The following NAA35 variants were observed in gnomAD, a reference collection of about 807,000 sequenced individuals.
The protein encoded by NAA35 is N-alpha-acetyltransferase 35, NatC auxiliary subunit, also known as MAK10 homolog, amino-acid N-acetyltransferase subunit.
Under a neutral mutation model 101.7 loss-of-function variants are expected in NAA35, and 18 were observed. The ratio of observed to expected loss-of-function variants is 0.18; its 90% CI spans 0.12 to 0.26. The LOEUF is 0.26. Ranked by LOEUF, NAA35 falls within the 10% of genes least tolerant of loss-of-function variation. NAA35 has a pLI of 1.00. For synonymous variants in NAA35, 267 were observed against 273.1 expected, an observed-to-expected ratio of 0.98 and a Z score of 0.22; for missense variants, 601 against 886.8, an observed-to-expected ratio of 0.68 and a Z score of 4.09.
rs760211608 is a variant in NAA35, at chr9:86,013,144, G to A, written c.1389G>A (p.Glu463=). The A allele has an allele frequency of 6.3e-7, 1 of 1,579,786 alleles. No individual in the cohort carries two copies. Among genetic ancestry groups the A allele is most frequent in the Admixed American group, 1.7e-5 (1 of 59,124 alleles). Reference sequence around the variant, plus strand: ...AGGAATTTGCCACCTTGCAGGATGAGGTAAGAGCCAGGTTCCCCTCTCTTC... The same window carrying A: ...AGGAATTTGCCACCTTGCAGGATGAAGTAAGAGCCAGGTTCCCCTCTCTTC... ...ILEEFATLQD[E]AEKVDAALHT... The change falls in exon 16 of 23, where the codon GAG becomes GAA. Residue 463 remains glutamate (E), a splice_region_variant and synonymous_variant. Coordinates refer to ENST00000361671, the MANE Select transcript of NAA35 (RefSeq NM_024635.4).
At chr9:85,978,800 C>T (rs139308784) in intron 11 of NAA35, among the ~76,000 whole-genome samples, 32 of 151,976 alleles carry the variant, frequency 2.1e-4, no homozygotes, top group African/African-American at 7.5e-4. Context: ...AATAGTTTGG[C>T]GGGCAGTGGG....
rs1378417326 is a variant in NAA35 at position 86,017,579 on chromosome 9, AGT to A, written c.1773+16_1773+17del. 1.2e-6 allele frequency: 2 copies of A among 1,610,604 alleles called. No homozygotes were observed. Among genetic ancestry groups the A allele is most frequent in the Non-Finnish European group, 1.7e-6 (2 of 1,177,682 alleles). Reference sequence around the variant, plus strand: ...GGAATGTTTAAAGTAAGTTGTTGAAAGTGAAGTTCTTTTTGCCTTTTAGCTAT... The same window carrying A: ...GGAATGTTTAAAGTAAGTTGTTGAAAGAAGTTCTTTTTGCCTTTTAGCTAT... On this transcript the variant is annotated intron_variant, in intron 19 of 22. Coordinates refer to ENST00000361671, the MANE Select transcript of NAA35 (RefSeq NM_024635.4).
chr9:85,945,892 G>A (rs1828741290), intron 2 of NAA35, among the ~76,000 whole-genome samples: 1 of 152,042 alleles, frequency 6.6e-6, no homozygotes, highest in Non-Finnish European at 1.5e-5. Flanking sequence ...ATGCACATTT[G>A]TACTAAAAGT....
chr9:85,988,946 A>G (rs1830776250), intron 11 of NAA35, among the ~76,000 whole-genome samples: 2 of 152,230 alleles, frequency 1.3e-5, no homozygotes, highest in Admixed American at 6.5e-5. Context: ...TGTGAACAGT[A>G]TAATGGAACA....
intron 11 of NAA35, among the ~76,000 whole-genome samples, chr9:85,981,437 T>C (rs917177956): frequency 6.6e-6 from 1 of 152,346 alleles, no homozygotes; most frequent in Middle Eastern, 3.4e-3. Flanking sequence ...TTTTGCCATG[T>C]CTGACTACTC....
At chr9:86,009,674 A>T (rs1393358617) in intron 14 of NAA35, among the ~76,000 whole-genome samples, 191 bp from the exon 15 acceptor site, 1 of 152,198 alleles carries the variant, frequency 6.6e-6, no homozygotes, top group East Asian at 1.9e-4. Flanking sequence ...TGGAAATATC[A>T]CAGATTTATT....
intron 5 of NAA35, among the ~76,000 whole-genome samples, chr9:85,961,614 GGT>G (rs951690131): frequency 4.1e-4 from 62 of 152,270 alleles, no homozygotes; most frequent in African/African-American, 1.5e-3. Context: ...AAATAATCTA[GGT>G]GAGATACGGT....
At chr9:85,991,991 G>A (rs1480969235) in intron 11 of NAA35, among the ~76,000 whole-genome samples, 2 of 151,972 alleles carry the variant, frequency 1.3e-5, no homozygotes, top group Admixed American at 6.6e-5. Context: ...TGGCTAACGC[G>A]GTGAAACCCC....
rs540578865 is a variant in NAA35, at chr9:86,011,958, TATATA to T, written c.1291-1085_1291-1081del. On this transcript the variant is annotated intron_variant, in intron 15 of 22. Transcript: ENST00000361671. ...CTATAATATATAATATAGTATATAATATATAATGTATATAATATATAATATATATT... is the reference window on the plus strand; with the variant it reads ...CTATAATATATAATATAGTATATAATATGTATATAATATATAATATATATT... Among the ~76,000 whole-genome samples the T allele has an allele frequency of 4.0e-3, 561 of 140,324 alleles. 5 individuals are homozygous for T. Among genetic ancestry groups the T allele is most frequent in the African/African-American group, 0.014 (530 of 37,492 alleles). The allele number at this position is 140,324 out of a possible 152,430, so 92.1% of individuals were successfully genotyped here.
chr9:86,009,857 T>C lies in NAA35; in HGVS notation c.1224-8T>C, dbSNP rs767922259. On this transcript the variant is annotated splice_polypyrimidine_tract_variant and splice_region_variant and intron_variant, in intron 14 of 22. Transcript: ENST00000361671. ...ATAGATTTTAATGATGTGACTGTTATCTTGCAGGTGCTACCTATATAATAA... is the reference window on the plus strand; with the variant it reads ...ATAGATTTTAATGATGTGACTGTTACCTTGCAGGTGCTACCTATATAATAA... 2.6e-5 allele frequency: 42 copies of C among 1,607,174 alleles called. No individual in the cohort carries two copies. The highest frequency in any genetic ancestry group is 1.5e-4 in the South Asian group (14 of 90,520).
At position 86,022,392 on chromosome 9, in the gene NAA35, T is replaced by G. The variant is rs1832605437; in HGVS notation, c.*432T>G. 6.5e-6 allele frequency: 1 copy of G among 152,990 alleles called. No individual in the cohort carries two copies. Among genetic ancestry groups the G allele is most frequent in the South Asian group, 2.1e-4 (1 of 4,832 alleles). The allele number at this position is 152,990 out of a possible 1,614,324, so 9.5% of individuals were successfully genotyped here. A position where few individuals can be genotyped will look rare whatever the true frequency, so the allele number is the denominator to read the frequency against. On this transcript the variant is annotated 3_prime_UTR_variant, in exon 23 of 23. Coordinates refer to ENST00000361671, the MANE Select transcript of NAA35 (RefSeq NM_024635.4). ...TAACATTTGAGTAGTTCCAAAAACG[T>G]TATCCAAAAGAAGTTTCAAATCAAG...
intron 13 of NAA35, among the ~76,000 whole-genome samples, chr9:86,004,742 G>C (rs1304830951): frequency 1.6e-4 from 24 of 152,132 alleles, no homozygotes; most frequent in Admixed American, 1.6e-3. Flanking sequence ...TACAGACTCT[G>C]TAAACATTAA....
chr9:85,963,937 A>C (rs1357429715), intron 6 of NAA35, among the ~76,000 whole-genome samples: 1 of 152,212 alleles, frequency 6.6e-6, no homozygotes, highest in East Asian at 1.9e-4. Context: ...AGAAAATAAA[A>C]TGGCCTTTAA....
intron 11 of NAA35, among the ~76,000 whole-genome samples, chr9:85,982,489 A>G (rs1175968003): frequency 6.6e-6 from 1 of 152,132 alleles, no homozygotes; most frequent in Admixed American, 6.6e-5. Flanking sequence ...TCCTGGTTCT[A>G]TTTGTCAAAA....
rs1832679260 is a variant in NAA35, at chr9:86,024,055, C to T, written c.*2095C>T. 6.6e-6 allele frequency among the ~76,000 whole-genome samples: 1 copy of T among 152,018 alleles called. No homozygotes were observed. The highest frequency in any genetic ancestry group is 6.6e-5 in the Admixed American group (1 of 15,262). On this transcript the variant is annotated 3_prime_UTR_variant, in exon 23 of 23. Transcript: ENST00000361671. ...TTTTATAATTTTTAAAGTAATCTGC[C>T]ATTCAAGGTACTTACTGAAAAAAAC...
intron 5 of NAA35, among the ~76,000 whole-genome samples, chr9:85,961,373 A>G (rs1564291401): frequency 6.6e-6 from 1 of 152,216 alleles, no homozygotes; most frequent in Non-Finnish European, 1.5e-5. Context: ...TCAAAGTGCT[A>G]GGAAAAAAAT....
At chr9:85,947,024 A>G (rs1828799092) in intron 2 of NAA35, among the ~76,000 whole-genome samples, 1 of 152,190 alleles carries the variant, frequency 6.6e-6, no homozygotes, top group African/African-American at 2.4e-5. Context: ...TGTTTTAAGA[A>G]TGAATGAATT....
chr9:85,964,814 AT>A (rs1376017822), intron 6 of NAA35, among the ~76,000 whole-genome samples: 1 of 152,126 alleles, frequency 6.6e-6, no homozygotes, highest in African/African-American at 2.4e-5. Context: ...TGGCGATATT[AT>A]TTTGATCAAT....
At chr9:85,980,457 G>A (rs112127493) in intron 11 of NAA35, among the ~76,000 whole-genome samples, 201 of 152,152 alleles carry the variant, frequency 1.3e-3, no homozygotes, top group African/African-American at 4.1e-3. Context: ...GACAGCACTC[G>A]GAGAGTCTAA....
Sources: gnomAD v4.1 joint callset for allele counts (sites outside exome capture counted in the v4.1 genomes callset) on GRCh38, gnomAD v4.1.1 for gene constraint, MANE v1.5 for transcripts, NCBI Gene and HGNC (gene_info 2026-07-23, HGNC 2026-07-21) for gene names.